The following TACR2 variants were observed in gnomAD, a reference collection of about 807,000 sequenced individuals.
TACR2 encodes tachykinin receptor 2, also known as substance-K receptor.
A neutral mutation model predicts 28.9 loss-of-function variants in TACR2; 24 were observed. The ratio of observed to expected loss-of-function variants is 0.83; its 90% CI spans 0.60 to 1.17. The LOEUF (loss-of-function observed/expected upper bound fraction) is 1.17, where lower values mean the gene tolerates loss of function less well. TACR2 is among the 50% of genes most tolerant of loss of function. The probability of loss-of-function intolerance (pLI) is 0.00; values close to 1 mark genes in which losing one functional copy is unlikely to be tolerated. For synonymous variants in TACR2, 222 were observed against 212.6 expected (o/e 1.04, Z -0.38); for missense variants, 487 against 524.4 (o/e 0.93, Z 0.70).
rs879702974 is a variant in TACR2, at chr10:69,414,570, TAGCTGGA to T, written c.587+368_587+374del. Reference sequence around the variant, plus strand: ...GCAGGATTGCTTAGATTTGAATCCATAGCTGGATTCAAATGACTAGCTGGATTTGAAT... The same window carrying T: ...GCAGGATTGCTTAGATTTGAATCCATTTCAAATGACTAGCTGGATTTGAAT... On this transcript the variant is annotated intron_variant, in intron 2 of 4. Transcript: ENST00000373306. Among the ~76,000 whole-genome samples the T allele has an allele frequency of 1.8e-3, 273 of 152,290 alleles. 2 individuals are homozygous for T. Among genetic ancestry groups the T allele is most frequent in the Non-Finnish European group, 1.2e-3 (80 of 68,020 alleles).
chr10:69,410,175 G>A (rs1051340217), intron 2 of TACR2, among the ~76,000 whole-genome samples: 6 of 151,590 alleles, frequency 4.0e-5, no homozygotes, highest in Admixed American at 2.6e-4. Context: ...TTCCTACCCC[G>A]TCCCCAGGGA....
intron 2 of TACR2, 54 bp downstream of exon 2, chr10:69,414,891 A>G: frequency 6.4e-7 from 1 of 1,554,440 alleles, no homozygotes; most frequent in Non-Finnish European, 8.8e-7. Flanking sequence ...ACACACACAC[A>G]CACAGACTCA....
At chr10:69,413,935 T>C (rs746727945) in intron 2 of TACR2, among the ~76,000 whole-genome samples, 76 of 152,340 alleles carry the variant, frequency 5.0e-4, no homozygotes, top group African/African-American at 1.7e-3. Flanking sequence ...GAGGTACTAT[T>C]ATGAATCCTC....
chr10:69,405,728 G>T (rs1188202284), intron 4 of TACR2, among the ~76,000 whole-genome samples: 3 of 152,188 alleles, frequency 2.0e-5, no homozygotes, highest in Non-Finnish European at 4.4e-5. Flanking sequence ...GTAGAGCCTG[G>T]GGTGTTGTTT....
chr10:69,410,356 A>T (rs1486690058), intron 2 of TACR2, among the ~76,000 whole-genome samples: 2 of 151,450 alleles, frequency 1.3e-5, no homozygotes, highest in Non-Finnish European at 2.9e-5. Context: ...ATCTCTATTA[A>T]AAAAAATTAA....
intron 2 of TACR2, among the ~76,000 whole-genome samples, chr10:69,413,836 A>G (rs771832050): frequency 1.3e-5 from 2 of 152,132 alleles, no homozygotes; most frequent in Non-Finnish European, 2.9e-5. Context: ...TGTGTCCCCT[A>G]TTTAAGCTGC....
At chr10:69,409,888 TACATATATATATATAC>T (rs1564581045) in intron 2 of TACR2, among the ~76,000 whole-genome samples, 986 of 12,282 alleles carry the variant, frequency 0.08, 32 homozygotes, top group African/African-American at 0.23. Flanking sequence ...TATACATATA[TACATATATATATATAC>T]ATATATATAT....
At chr10:69,409,138 G>T in intron 2 of TACR2, 63 bp from the exon 3 acceptor site, 1 of 1,423,756 alleles carries the variant, frequency 7.0e-7, no homozygotes, top group Admixed American at 2.9e-5. Context: ...GTCTGCCAGC[G>T]CCTGGTCCTG....
intron 3 of TACR2, among the ~76,000 whole-genome samples, chr10:69,407,614 GCTCT>G (rs749356918): frequency 4.7e-4 from 72 of 152,296 alleles, no homozygotes; most frequent in Non-Finnish European, 8.1e-4. Context: ...GAGTGGCTGA[GCTCT>G]CTCTCCTAAC....
rs1589604689 is a variant in TACR2, at chr10:69,415,112, C to T, written c.420G>A (p.Gln140=). The change falls in exon 2 of 5, where the codon CAG becomes CAA. Residue 140 remains glutamine (Q), a synonymous_variant. Coordinates refer to ENST00000373306, the MANE Select transcript of TACR2 (RefSeq NM_001057.3). ...TGGTGCTGGGAGCTGAAAGCCGAGG[C>T]TGGAAGGGGTGGACGATGGCCATGT... is the stretch of plus-strand genomic sequence containing the variant. The part of the protein sequence containing the change: ...DRYMAIVHPF[Q]PRLSAPSTKA... 3 of 1,612,444 alleles carry T rather than the reference C, an allele frequency of 1.9e-6. No homozygotes were observed. The highest frequency in any genetic ancestry group is 2.7e-5 in the African/African-American group (2 of 74,900).
chr10:69,412,740 T>G (rs1344963475), intron 2 of TACR2, among the ~76,000 whole-genome samples: 1 of 152,212 alleles, frequency 6.6e-6, no homozygotes, highest in Non-Finnish European at 1.5e-5. Context: ...CACTCCTCTG[T>G]TGCTTGCTCC....
Position 69,416,183 on chromosome 10 carries a change from G to A in TACR2, c.141C>T (p.Ala47=), listed in dbSNP as rs750198843. Residue 47 remains alanine (A), a synonymous_variant, in exon 1 of 5, where the codon GCC becomes GCT. Coordinates refer to ENST00000373306, the MANE Select transcript of TACR2 (RefSeq NM_001057.3). ...ATAYLALVLV[A]VTGNAIVIWI... ...AGATGACGATGGCATTACCCGTCACGGCCACCAGCACCAGGGCCAGGTAGG... is the reference window on the plus strand; with the variant it reads ...AGATGACGATGGCATTACCCGTCACAGCCACCAGCACCAGGGCCAGGTAGG... The A allele has an allele frequency of 5.6e-6, 9 of 1,614,078 alleles. No homozygotes were observed. Among genetic ancestry groups the A allele is most frequent in the South Asian group, 5.5e-5 (5 of 91,092 alleles).
intron 4 of TACR2, among the ~76,000 whole-genome samples, chr10:69,406,067 A>T (rs1218788895): frequency 1.3e-5 from 2 of 152,140 alleles, no homozygotes; most frequent in Non-Finnish European, 2.9e-5. Context: ...TCCTGCAAAA[A>T]ATCATAGCTC....
In TACR2 at chr10:69,409,030, C is replaced by T. The variant is rs943158265; in HGVS notation, c.633G>A (p.Ala211=). The change falls in exon 3 of 5, where the codon GCG becomes GCA. Residue 211 remains alanine, a synonymous_variant. Coordinates refer to ENST00000373306, the MANE Select transcript of TACR2 (RefSeq NM_001057.3). ...TGACGCTGTAGGCTACAAACATCAC[C>T]GCGAGCGGCAGGAAGTAGATGAGGG... ...VIALIYFLPL[A]VMFVAYSVIG... The T allele has an allele frequency of 1.2e-5, 20 of 1,607,792 alleles. No individual in the cohort carries two copies. The highest frequency in any genetic ancestry group is 1.7e-5 in the Non-Finnish European group (20 of 1,178,462).
intron 2 of TACR2, 73 bp downstream of exon 2, chr10:69,414,872 C>T (rs558860125): frequency 3.0e-5 from 43 of 1,439,848 alleles, no homozygotes; most frequent in East Asian, 4.6e-5. Context: ...GATGCATGCA[C>T]GCGTGTGTAC....
chr10:69,407,479 A>C (rs2278746), intron 3 of TACR2, among the ~76,000 whole-genome samples, 199 bp from the exon 4 acceptor site: 84,948 of 152,010 alleles, frequency 0.56, 24,261 homozygotes, highest in South Asian at 0.7. Context: ...GTGCTCAGGC[A>C]GGTCCCTCTG....
Position 69,404,785 on chromosome 10 carries a change from C to A in TACR2, c.*41G>T. 1 of 1,113,048 alleles carries A rather than the reference C, an allele frequency of 9.0e-7. No individual in the cohort carries two copies. Among genetic ancestry groups the A allele is most frequent in the Non-Finnish European group, 1.3e-6 (1 of 788,930 alleles). 68.9% of individuals were successfully genotyped at this position (1,113,048 alleles called of 1,614,324 possible). On this transcript the variant is annotated 3_prime_UTR_variant, in exon 5 of 5. Transcript: ENST00000373306. ...GGGATCCATCCCCAATACCCAAACA[C>A]CTCCCACTAACCCCTACCTCCCAAC...
intron 1 of TACR2, 61 bp downstream of exon 1, chr10:69,415,871 C>T (rs1405908759): frequency 2.4e-5 from 38 of 1,573,626 alleles, no homozygotes; most frequent in Middle Eastern, 1.9e-4. Flanking sequence ...ATGTCACCAC[C>T]CTTATCTGAG....
chr10:69,409,158 G>T, intron 2 of TACR2, 83 bp from the exon 3 acceptor site: 1 of 1,367,162 alleles, frequency 7.3e-7, no homozygotes, highest in Non-Finnish European at 9.5e-7. Context: ...GGGACCCCGC[G>T]GGCACTGTGG....
Sources: gnomAD v4.1 joint callset for allele counts (sites outside exome capture counted in the v4.1 genomes callset) on GRCh38, gnomAD v4.1.1 for gene constraint, MANE v1.5 for transcripts, NCBI Gene and HGNC (gene_info 2026-07-23, HGNC 2026-07-21) for gene names.